The following KLHL32 variants were observed in gnomAD, a reference collection of about 807,000 sequenced individuals.
KLHL32 encodes kelch like family member 32.
Under a neutral mutation model 64.8 loss-of-function variants are expected in KLHL32, and 35 were observed. The observed-to-expected ratio is 0.54, with a 90% confidence interval of 0.41 to 0.72. The LOEUF is 0.72. KLHL32 is among the 30% of genes least tolerant of loss of function. The probability of loss-of-function intolerance (pLI) is 0.00; values close to 1 mark genes in which losing one functional copy is unlikely to be tolerated. For synonymous variants in KLHL32, 259 were observed against 281.0 expected, an observed-to-expected ratio of 0.92 and a Z score of 0.78; for missense variants, 589 against 768.5, an observed-to-expected ratio of 0.77 and a Z score of 2.76.
intron 3 of KLHL32, among the ~76,000 whole-genome samples, chr6:96,994,913 A>C (rs987492118): frequency 6.6e-6 from 1 of 152,208 alleles, no homozygotes; most frequent in African/African-American, 2.4e-5. Context: ...GTTTGAATCT[A>C]GCAGCAGGGA....
At chr6:96,945,859 G>A (rs1036366287) in intron 1 of KLHL32, among the ~76,000 whole-genome samples, 4 of 152,134 alleles carry the variant, frequency 2.6e-5, no homozygotes, top group Non-Finnish European at 5.9e-5. Context: ...GTACAGTGTG[G>A]AATAATGAGA....
At chr6:97,115,322 A>G (rs1223060446) in intron 7 of KLHL32, among the ~76,000 whole-genome samples, 1 of 152,182 alleles carries the variant, frequency 6.6e-6, no homozygotes, top group East Asian at 1.9e-4. Context: ...AGCCTAAAAC[A>G]AAGTTTGTTT....
chr6:96,955,911 T>G (rs2128017735), intron 1 of KLHL32, among the ~76,000 whole-genome samples: 1 of 152,324 alleles, frequency 6.6e-6, no homozygotes, highest in South Asian at 2.1e-4. Context: ...CACTCCAATC[T>G]GAGCAACAGA....
chr6:97,111,029 T>TTGG (rs999051312), intron 6 of KLHL32, among the ~76,000 whole-genome samples: 7 of 144,688 alleles, frequency 4.8e-5, no homozygotes, highest in African/African-American at 1.9e-4. Flanking sequence ...CAGAAAAGTC[T>TTGG]TGGGGGGGGG....
intron 5 of KLHL32, among the ~76,000 whole-genome samples, chr6:97,079,706 CAAAT>C (rs1000177960): frequency 1.3e-5 from 2 of 151,686 alleles, no homozygotes; most frequent in Non-Finnish European, 2.9e-5. Context: ...CTATGAGAAA[CAAAT>C]AGAAGGAATA....
At chr6:97,037,300 G>A (rs1198696025) in intron 3 of KLHL32, among the ~76,000 whole-genome samples, 2 of 152,042 alleles carry the variant, frequency 1.3e-5, no homozygotes, top group African/African-American at 4.8e-5. Context: ...CTAATGCAGT[G>A]AGATGGAAAT....
intron 5 of KLHL32, among the ~76,000 whole-genome samples, chr6:97,073,749 A>C (rs1356658545): frequency 6.6e-6 from 1 of 152,088 alleles, no homozygotes; most frequent in Non-Finnish European, 1.5e-5. Flanking sequence ...AAAAAATCTG[A>C]ATTTTTCCTT....
chr6:96,920,887 A>G (rs1768732887), upstream of KLHL32, among the ~76,000 whole-genome samples: 1 of 152,118 alleles, frequency 6.6e-6, no homozygotes, highest in Admixed American at 6.5e-5. Context: ...GTTTGAGGTA[A>G]CCCTAGGATG....
chr6:97,033,392 G>A (rs1783856888), intron 3 of KLHL32, among the ~76,000 whole-genome samples: 2 of 152,092 alleles, frequency 1.3e-5, no homozygotes, highest in Non-Finnish European at 1.5e-5. Flanking sequence ...TCGTATGTGT[G>A]TGTATGTCTC....
intron 6 of KLHL32, among the ~76,000 whole-genome samples, chr6:97,101,203 T>C (rs1222734809): frequency 6.6e-6 from 1 of 152,118 alleles, no homozygotes; most frequent in Non-Finnish European, 1.5e-5. Flanking sequence ...TTTTAAACCA[T>C]AAAATGTATA....
intron 6 of KLHL32, among the ~76,000 whole-genome samples, chr6:97,093,752 CT>C (rs1562329183): frequency 2.0e-5 from 3 of 152,014 alleles, no homozygotes; most frequent in African/African-American, 7.3e-5. Flanking sequence ...TTAGAGAATT[CT>C]GGCAGAGGGA....
chr6:96,907,724 C>G, the KLHL32 span, among the ~76,000 whole-genome samples: 1 of 152,188 alleles, frequency 6.6e-6, no homozygotes, highest in Non-Finnish European at 1.5e-5. Flanking sequence ...ATTTCTGTAT[C>G]AATTCCTGCT....
intron 3 of KLHL32, among the ~76,000 whole-genome samples, chr6:96,988,497 C>T (rs1477934296): frequency 6.6e-6 from 1 of 150,738 alleles, no homozygotes; most frequent in Non-Finnish European, 1.5e-5. Context: ...CACTTTTACA[C>T]TGTTGGTGGG....
intron 2 of KLHL32, among the ~76,000 whole-genome samples, chr6:96,969,337 G>T (rs1437309375): frequency 1.3e-5 from 2 of 152,030 alleles, no homozygotes; most frequent in African/African-American, 2.4e-5. Flanking sequence ...GTTGTACTTT[G>T]ACCTCATTGT....
intron 1 of KLHL32, among the ~76,000 whole-genome samples, chr6:96,959,224 T>C (rs1773620692): frequency 6.6e-6 from 1 of 152,278 alleles, no homozygotes; most frequent in South Asian, 2.1e-4. Flanking sequence ...AGCATGCCTG[T>C]GGTCCAGCTT....
At chr6:97,050,368 T>G (rs1024386567) in intron 4 of KLHL32, among the ~76,000 whole-genome samples, 1 of 152,148 alleles carries the variant, frequency 6.6e-6, no homozygotes, top group Non-Finnish European at 1.5e-5. Flanking sequence ...TAATGAGGCT[T>G]TCTGGAGAGA....
At chr6:96,901,219 G>A in the KLHL32 span, among the ~76,000 whole-genome samples, 1 of 152,144 alleles carries the variant, frequency 6.6e-6, no homozygotes, top group South Asian at 2.1e-4. Flanking sequence ...ACCGCAAATG[G>A]TTTAAAACAA....
intron 7 of KLHL32, among the ~76,000 whole-genome samples, chr6:97,125,433 G>A (rs144476167): frequency 6.6e-6 from 1 of 152,182 alleles, no homozygotes; most frequent in African/African-American, 2.4e-5. Context: ...AGGTTAAACA[G>A]AGAAAGAAGA....
chr6:97,034,543 A>G (rs768627772), intron 3 of KLHL32, among the ~76,000 whole-genome samples: 2 of 151,874 alleles, frequency 1.3e-5, no homozygotes, highest in Non-Finnish European at 2.9e-5. Flanking sequence ...CTATTTCTAT[A>G]AAGAATGCCA....
Sources: allele counts gnomAD v4.1 joint callset (sites outside exome capture counted in the v4.1 genomes callset), GRCh38; gene constraint gnomAD v4.1.1; transcripts MANE v1.5; gene names NCBI Gene and HGNC (gene_info 2026-07-23, HGNC 2026-07-21).